CCL5: variants seen among roughly 807,000 people sequenced by gnomAD.
CCL5 encodes C-C motif chemokine 5.
A neutral mutation model predicts 9.0 loss-of-function variants in CCL5; 5 were observed. The observed-to-expected ratio is 0.55, with a 90% confidence interval of 0.29 to 1.16. The LOEUF is 1.16. Among genes scored for constraint, CCL5 ranks in the 50% most tolerant of loss-of-function variants. The pLI is 0.08. For synonymous variants in CCL5, 66 were observed against 72.0 expected, an observed-to-expected ratio of 0.92 and a Z score of 0.42; for missense variants, 183 against 183.2, an observed-to-expected ratio of 1.00 and a Z score of 0.01.
chr17:35,878,594 G>A lies in CCL5; in HGVS notation c.122C>T (p.Pro41Leu), dbSNP rs1234411765. Residue 41 changes from proline (P) to leucine (L), a missense_variant, in exon 2 of 4, where the codon CCA becomes CTA. By Grantham distance (98) the Pro-to-Leu change is moderately conservative (BLOSUM62 -3). Transcript: ENST00000651122. The stretch of plus-strand genomic sequence containing the variant: ...CTCCTTGATGTGGGCACGGGGCAGT[G>A]GGCGGGCAATGTAGGCAAAGCAGCA... 2.5e-6 allele frequency: 4 copies of A among 1,613,888 alleles called. No homozygotes were observed. The highest frequency in any genetic ancestry group is 3.4e-6 in the Non-Finnish European group (4 of 1,179,958).
At chr17:35,872,733 C>T (rs2088388003) in intron 3 of CCL5, among the ~76,000 whole-genome samples, 1 of 152,150 alleles carries the variant, frequency 6.6e-6, no homozygotes, top group South Asian at 2.1e-4. Context: ...TAAGAGGATA[C>T]GGAGCCTTGA....
intron 3 of CCL5, chr17:35,875,420 A>T: frequency 5.6e-6 from 1 of 180,040 alleles, no homozygotes; most frequent in Non-Finnish European, 1.1e-5. Flanking sequence ...TCCCAGCCTC[A>T]CTCAGAGCCA....
intron 2 of CCL5, among the ~76,000 whole-genome samples, chr17:35,877,820 C>T (rs1314615485): frequency 1.3e-5 from 2 of 152,072 alleles, no homozygotes; most frequent in East Asian, 3.9e-4. Context: ...GATCCCTGAC[C>T]TCTGACCTCT....
intron 3 of CCL5, among the ~76,000 whole-genome samples, chr17:35,873,394 A>G (rs747784922): frequency 8.7e-5 from 13 of 150,006 alleles, no homozygotes; most frequent in South Asian, 4.2e-4. Context: ...TCACTGTGTT[A>G]GCCAGGATGG....
At chr17:35,873,027 C>A (rs1328725893) in intron 3 of CCL5, among the ~76,000 whole-genome samples, 1 of 151,646 alleles carries the variant, frequency 6.6e-6, no homozygotes, top group Admixed American at 6.6e-5. Context: ...GTAGTTGAGA[C>A]TACTGGCGCC....
At chr17:35,877,866 T>C (rs1238313939) in intron 2 of CCL5, among the ~76,000 whole-genome samples, 2 of 152,110 alleles carry the variant, frequency 1.3e-5, no homozygotes, top group Non-Finnish European at 2.9e-5. Context: ...GTGGATTTGA[T>C]TGGGTGTGAA....
chr17:35,878,143 G>A (rs2088464545), intron 2 of CCL5, among the ~76,000 whole-genome samples: 1 of 151,794 alleles, frequency 6.6e-6, no homozygotes, highest in South Asian at 2.1e-4. Flanking sequence ...AATTAGCCAG[G>A]CATGGTGTGG....
chr17:35,874,651 C>T (rs1383362185), intron 3 of CCL5, among the ~76,000 whole-genome samples: 1 of 152,086 alleles, frequency 6.6e-6, no homozygotes, highest in Admixed American at 6.6e-5. Flanking sequence ...GCTCTTATTG[C>T]CCAGGCTGGA....
chr17:35,878,201 T>C (rs1019701403), intron 2 of CCL5, among the ~76,000 whole-genome samples: 2 of 138,600 alleles, frequency 1.4e-5, no homozygotes, highest in Non-Finnish European at 3.0e-5. Flanking sequence ...GAGAATGGCA[T>C]GAACCCAGGA....
chr17:35,875,454 C>A (rs1481714382), intron 3 of CCL5: 1 of 322,460 alleles, frequency 3.1e-6, no homozygotes. Context: ...TTTTCTCCCA[C>A]CCCGGTGTGC....
intron 1 of CCL5, among the ~76,000 whole-genome samples, chr17:35,879,534 CT>C (rs1351731934): frequency 2.7e-5 from 4 of 150,258 alleles, no homozygotes; most frequent in Admixed American, 6.7e-5. Flanking sequence ...ACTCCGGAGG[CT>C]GAGGCAGGAG....
At position 35,878,586 on chromosome 17, in the gene CCL5, G is replaced by A. The variant is rs754918878; in HGVS notation, c.130C>T (p.Arg44Cys). The change falls in exon 2 of 4, where the codon CGT becomes TGT. Residue 44 changes from arginine to cysteine, a missense_variant. Arg to Cys is a radical substitution (Grantham distance 180). Transcript: ENST00000651122. ...TAGAAATACTCCTTGATGTGGGCAC[G>A]GGGCAGTGGGCGGGCAATGTAGGCA... is the stretch of plus-strand genomic sequence containing the variant. 68 of 1,613,986 alleles carry A rather than the reference G, an allele frequency of 4.2e-5. No homozygotes were observed. Among genetic ancestry groups the A allele is most frequent in the Middle Eastern group, 3.3e-4 (2 of 6,054 alleles).
chr17:35,879,622 G>A (rs1287516545), intron 1 of CCL5, among the ~76,000 whole-genome samples: 4 of 113,866 alleles, frequency 3.5e-5, no homozygotes, highest in African/African-American at 1.1e-4. Context: ...GCGACAGAGC[G>A]AAGACTCCAT....
At chr17:35,875,795 G>T (rs2088435111) in intron 2 of CCL5, among the ~76,000 whole-genome samples, 3 of 152,042 alleles carry the variant, frequency 2.0e-5, no homozygotes, top group African/African-American at 7.3e-5. Context: ...GGCACCCTCT[G>T]CTTGCCTGAC....
intron 1 of CCL5, among the ~76,000 whole-genome samples, chr17:35,879,256 A>G (rs772823693): frequency 6.6e-6 from 1 of 152,188 alleles, no homozygotes; most frequent in Non-Finnish European, 1.5e-5. Flanking sequence ...GTGTGCCTCC[A>G]TGGACAAGTT....
At chr17:35,877,258 C>T (rs1460995857) in intron 2 of CCL5, among the ~76,000 whole-genome samples, 1 of 152,030 alleles carries the variant, frequency 6.6e-6, no homozygotes, top group Non-Finnish European at 1.5e-5. Flanking sequence ...ACCTGTAATC[C>T]CAGCACTTTA....
At chr17:35,878,737 GTTATCTTCC>G in intron 1 of CCL5, 98 bp from the exon 2 acceptor site, 1 of 722,264 alleles carries the variant, frequency 1.4e-6, no homozygotes, top group Non-Finnish European at 2.3e-6. Context: ...AGAAAGAACT[GTTATCTTCC>G]TTGACAGAAA....
intron 2 of CCL5, chr17:35,875,740 G>C: frequency 3.1e-6 from 1 of 324,222 alleles, no homozygotes; most frequent in Middle Eastern, 1.5e-3. Flanking sequence ...TGATACCAAA[G>C]AACAGCCCCT....
chr17:35,875,561 C>G lies in CCL5; in HGVS notation c.270G>C (p.Lys90Asn), dbSNP rs2088431376. 1.0e-6 allele frequency: 1 copy of G among 984,166 alleles called. No individual in the cohort carries two copies. Among genetic ancestry groups the G allele is most frequent in the Non-Finnish European group, 1.2e-6 (1 of 828,914 alleles). 61.0% of individuals were successfully genotyped at this position (984,166 alleles called of 1,614,324 possible). A position where few individuals can be genotyped will look rare whatever the true frequency, so the allele number is the denominator to read the frequency against. ...TGGTGTGAGAGTTTCAGACACAGAC[C>G]TTGCCCTTGTTCAGCCGGGAGTCAT... The change falls in exon 3 of 4, where the codon AAG (lysine) becomes AAC (asparagine). Residue 90 changes from lysine (K) to asparagine (N), a missense_variant and splice_region_variant. Lys to Asn is a moderately conservative substitution (Grantham distance 94, BLOSUM62 0). Coordinates refer to ENST00000651122, the MANE Select transcript of CCL5 (RefSeq NM_001278736.2).
Sources: gnomAD v4.1 joint callset for allele counts (sites outside exome capture counted in the v4.1 genomes callset) on GRCh38, gnomAD v4.1.1 for gene constraint, MANE v1.5 for transcripts, NCBI Gene and HGNC (gene_info 2026-07-23, HGNC 2026-07-21) for gene names.